CARD10: variants seen among roughly 807,000 people sequenced by gnomAD.
CARD10 encodes caspase recruitment domain-containing protein 10.
In CARD10, 49 loss-of-function variants were observed where a neutral mutation model predicts 114.6. That is an observed-to-expected ratio of 0.43 (90% confidence interval 0.34 to 0.54). The LOEUF (loss-of-function observed/expected upper bound fraction) is 0.54. Among genes scored for constraint, CARD10 ranks in the 20% least tolerant of loss-of-function variants. The pLI is 0.03. For missense variants in CARD10, 1,206 were observed against 1,397.2 expected (o/e 0.86, Z 2.18); for synonymous variants, 602 against 593.2 (o/e 1.01, Z -0.21).
chr22:37,499,300 G>C (rs1179737401), intron 11 of CARD10, among the ~76,000 whole-genome samples: 1 of 152,026 alleles, frequency 6.6e-6, no homozygotes, highest in Non-Finnish European at 1.5e-5. Context: ...GACATGGGCA[G>C]CTCTCAGAAC....
chr22:37,497,472 A>G (rs1332053182), intron 11 of CARD10, among the ~76,000 whole-genome samples: 1 of 152,112 alleles, frequency 6.6e-6, no homozygotes, highest in Non-Finnish European at 1.5e-5. Context: ...CGTTTCCTCC[A>G]TCAGAACGAA....
Position 37,517,462 on chromosome 22 carries a change from C to A in CARD10, c.373+509G>T, listed in dbSNP as rs1166950401. The stretch of plus-strand genomic sequence containing the variant: ...ACCATCCTGGCCAACATGATGAAAC[C>A]CCATCTCTATTAAAAATAAAAATAC... On this transcript the variant is annotated intron_variant, in intron 2 of 19. Coordinates refer to ENST00000251973, the MANE Select transcript of CARD10 (RefSeq NM_014550.4). Among the ~76,000 whole-genome samples the A allele has an allele frequency of 2.6e-5, 4 of 152,112 alleles. No homozygotes were observed. The East Asian group carries it at 7.7e-4, about 29-fold the overall frequency.
At chr22:37,493,153 G>C (rs1048591932) in intron 16 of CARD10, among the ~76,000 whole-genome samples, 4 of 152,186 alleles carry the variant, frequency 2.6e-5, no homozygotes, top group African/African-American at 9.7e-5. Flanking sequence ...TCCTGCCTGA[G>C]AGCCTGGGGA....
At chr22:37,506,872 T>C (rs1162651997) in intron 6 of CARD10, among the ~76,000 whole-genome samples, 1 of 152,118 alleles carries the variant, frequency 6.6e-6, no homozygotes, top group Non-Finnish European at 1.5e-5. Context: ...GGCAGCCCCA[T>C]AAAATGCAGA....
chr22:37,508,451 C>A, intron 5 of CARD10, 76 bp downstream of exon 5: 1 of 1,420,544 alleles, frequency 7.0e-7, no homozygotes, highest in Non-Finnish European at 9.3e-7. Context: ...CAAGCAGATG[C>A]TCAGGGAAGG....
rs1601807353 is a variant in CARD10 at position 37,492,879 on chromosome 22, A to C, written c.2477-77T>G. The C allele has an allele frequency of 1.4e-6, 2 of 1,441,716 alleles. No homozygotes were observed. Among genetic ancestry groups the C allele is most frequent in the Non-Finnish European group, 9.3e-7 (1 of 1,070,802 alleles). The allele number at this position is 1,441,716 out of a possible 1,614,324, so 89.3% of individuals were successfully genotyped here. On this transcript the variant is annotated intron_variant, in intron 16 of 19. Transcript: ENST00000251973. This position sits in a 1 kb window ranked among gnomAD's most constrained non-coding sequence, Gnocchi z 5.7. ...CCAGCTCGTCGATACCCCAAAACCC[A>C]CCCCGCCACCCATCCCTTCCTAAGT...
intron 5 of CARD10, 136 bp downstream of exon 5, chr22:37,508,391 C>T (rs904789402): frequency 1.4e-5 from 15 of 1,053,306 alleles, no homozygotes; most frequent in Admixed American, 3.0e-5. Flanking sequence ...AGGGTGCCTC[C>T]GTCAACATCT....
intron 1 of CARD10, 51 bp from the exon 2 acceptor site, chr22:37,518,159 G>A (rs1331616928): frequency 1.3e-6 from 2 of 1,585,936 alleles, no homozygotes; most frequent in Non-Finnish European, 1.7e-6. Flanking sequence ...GGCCTCCCCA[G>A]GTGCCTGGTT....
At position 37,510,324 on chromosome 22, in the gene CARD10, T is replaced by C. The variant is rs781170519; in HGVS notation, c.797A>G (p.Lys266Arg). 1 of 1,610,982 alleles carries C rather than the reference T, an allele frequency of 6.2e-7. No individual in the cohort carries two copies. Among genetic ancestry groups the C allele is most frequent in the South Asian group, 1.1e-5 (1 of 91,050 alleles). Residue 266 changes from lysine (K) to arginine (R), a missense_variant, in exon 4 of 20, where the codon AAG becomes AGG. Around this residue, in one of 2 missense-constraint regions of CARD10, gnomAD observed 1,068 missense variants for 1,179.1 expected, o/e 0.91. Transcript: ENST00000251973. ...GPPPGAEEKEKEKEKEKEPDN... is the reference protein window; with the variant it reads ...GPPPGAEEKEREKEKEKEPDN... ...TGGCTCCTTCTCCTTCTCCTTCTCC[T>C]TCTCCTTCTCCTCTGCCCCAGGGGG...
At position 37,491,364 on chromosome 22, in the gene CARD10, TC is replaced by T; in HGVS notation, c.2893del (p.Asp965ThrfsTer99). 1 of 1,516,434 alleles carries T rather than the reference TC, an allele frequency of 6.6e-7. No individual in the cohort carries two copies. The allele number at this position is 1,516,434 out of a possible 1,614,324, so 93.9% of individuals were successfully genotyped here. On this transcript the variant is annotated frameshift_variant, in exon 20 of 20. Transcript: ENST00000251973. LOFTEE classifies it high-confidence loss of function. ...RGLLGRPGWR[D>X]SELLRQCRGS... Reference sequence around the variant, plus strand: ...ACGGCACTGCCGCAGCAGCTCTGAGTCCCGCCAGCCCGGCCGGCCCAGCAGA... The same window carrying T: ...ACGGCACTGCCGCAGCAGCTCTGAGTCCGCCAGCCCGGCCGGCCCAGCAGA...
Position 37,507,832 on chromosome 22 carries a change from G to A in CARD10, c.1188C>T (p.Asp396=). 2 of 1,614,138 alleles carry A rather than the reference G, an allele frequency of 1.2e-6. No individual in the cohort carries two copies. Among genetic ancestry groups the A allele is most frequent in the Non-Finnish European group, 1.7e-6 (2 of 1,180,004 alleles). Reference sequence around the variant, plus strand: ...CGTACACGCAGGCTGGGCTCACCTGGTCTCGCTCCTTCTCAATCTCCTCCA... The same window carrying A: ...CGTACACGCAGGCTGGGCTCACCTGATCTCGCTCCTTCTCAATCTCCTCCA... ...AQLEEIEKER[D]QAIQSRDRIQ... The change falls in exon 6 of 20, where the codon GAC becomes GAT. Residue 396 remains aspartate, a synonymous_variant. Transcript: ENST00000251973.
chr22:37,505,083 G>A (rs1418450779), intron 7 of CARD10, among the ~76,000 whole-genome samples: 1 of 152,180 alleles, frequency 6.6e-6, no homozygotes, highest in African/African-American at 2.4e-5. Flanking sequence ...GCGCTAAGTA[G>A]GTCAAGCTGG....
chr22:37,496,964 C>T lies in CARD10; in HGVS notation c.1947+55G>A. On this transcript the variant is annotated intron_variant, in intron 12 of 19. Transcript: ENST00000251973. This position sits in a 1 kb window ranked among gnomAD's most constrained non-coding sequence, Gnocchi z 4.1. ...TTGATCCACCAAATTAAGGGATGTCCAGCCTGGGCAAAAGCACTGACCCTA... is the reference window on the plus strand; with the variant it reads ...TTGATCCACCAAATTAAGGGATGTCTAGCCTGGGCAAAAGCACTGACCCTA... The T allele has an allele frequency of 6.6e-7, 1 of 1,521,140 alleles. No individual in the cohort carries two copies. Among genetic ancestry groups the T allele is most frequent in the Non-Finnish European group, 8.8e-7 (1 of 1,134,590 alleles). 94.2% of individuals were successfully genotyped at this position (1,521,140 alleles called of 1,614,324 possible).
chr22:37,507,680 G>A (rs1446809594), intron 6 of CARD10, 149 bp downstream of exon 6: 4 of 971,500 alleles, frequency 4.1e-6, no homozygotes, highest in Admixed American at 4.2e-5. Flanking sequence ...CTCCTGTCTG[G>A]TTCCCCCAGC....
At chr22:37,491,546 A>AAGG in intron 19 of CARD10, among the ~76,000 whole-genome samples, 153 bp from the exon 20 acceptor site, 1 of 3,422 alleles carries the variant, frequency 2.9e-4, no homozygotes, top group African/African-American at 9.7e-4. Context: ...AGAGAGAGAC[A>AAGG]GAGAAGGGGA....
At chr22:37,510,498 C>A in intron 3 of CARD10, 77 bp from the exon 4 acceptor site, 2 of 1,329,790 alleles carry the variant, frequency 1.5e-6, no homozygotes, top group South Asian at 1.3e-5. Context: ...AAGACCTGCT[C>A]CCTCACTCCT....
In CARD10 at chr22:37,505,692, G is replaced by C. The variant is rs533862481; in HGVS notation, c.1383+500C>G. 4.6e-5 allele frequency among the ~76,000 whole-genome samples: 7 copies of C among 151,102 alleles called. No individual in the cohort carries two copies. The East Asian group carries it at 1.4e-3, about 29-fold the overall frequency. Reference sequence around the variant, plus strand: ...CTCCCGGCAGCAGCCTGAGGACCACGATCCAATTTACAGTGGGTCTGGGAC... The same window carrying C: ...CTCCCGGCAGCAGCCTGAGGACCACCATCCAATTTACAGTGGGTCTGGGAC... On this transcript the variant is annotated intron_variant, in intron 7 of 19. Transcript: ENST00000251973.
Position 37,516,116 on chromosome 22 carries a change from G to C in CARD10, c.556C>G (p.Gln186Glu). 1 of 1,596,384 alleles carries C rather than the reference G, an allele frequency of 6.3e-7. No homozygotes were observed. Among genetic ancestry groups the C allele is most frequent in the Non-Finnish European group, 8.5e-7 (1 of 1,172,004 alleles). The change falls in exon 3 of 20, where the codon CAA (glutamine) becomes GAA (glutamate). Residue 186 changes from glutamine to glutamate, a missense_variant. This residue lies in a region of CARD10 where 1,068 missense variants were observed against 1,179.1 expected (regional missense o/e 0.91). Coordinates refer to ENST00000251973, the MANE Select transcript of CARD10 (RefSeq NM_014550.4). ...GCCTCCCAGTCCTCCCGCAGCCGTT[G>C]ACAGCGCTCCTGAGCCTGCTGCTGG... ...RDQQQAQERC[Q>E]RLREDWEAGS...
intron 8 of CARD10, 114 bp downstream of exon 8, chr22:37,504,521 C>A (rs1923335666): frequency 7.0e-7 from 1 of 1,430,424 alleles, no homozygotes. Context: ...TACTTGGCCT[C>A]CCTGCGCCTC....
Sources: allele counts gnomAD v4.1 joint callset (sites outside exome capture counted in the v4.1 genomes callset), GRCh38; gene constraint gnomAD v4.1.1; regional missense constraint gnomAD v4.1.1; non-coding constraint Gnocchi (gnomAD v3.1); transcripts MANE v1.5; gene names NCBI Gene and HGNC (gene_info 2026-07-23, HGNC 2026-07-21).